SLC22A9: variants seen among roughly 807,000 people sequenced by gnomAD.
SLC22A9 encodes organic anion transporter 7.
Under a neutral mutation model 50.1 loss-of-function variants are expected in SLC22A9, and 64 were observed. The observed-to-expected ratio is 1.28, with a 90% CI of 1.04 to 1.57. The LOEUF (loss-of-function observed/expected upper bound fraction) is 1.57. Among genes scored for constraint, SLC22A9 ranks in the 40% most tolerant of loss-of-function variants. SLC22A9 has a pLI of 0.00. For missense variants in SLC22A9, 757 were observed against 676.1 expected (o/e 1.12, Z -1.33); for synonymous variants, 261 against 242.5 (o/e 1.08, Z -0.71).
chr11:63,393,773 T>C (rs1249821480), intron 6 of SLC22A9, among the ~76,000 whole-genome samples: 1 of 152,140 alleles, frequency 6.6e-6, no homozygotes, highest in East Asian at 1.9e-4. Context: ...TGATTATGTG[T>C]CTTGGGGTTA....
intron 6 of SLC22A9, among the ~76,000 whole-genome samples, chr11:63,384,015 C>A (rs1427322692): frequency 6.6e-6 from 1 of 150,686 alleles, no homozygotes; most frequent in African/African-American, 2.5e-5. Flanking sequence ...TGCCACTGCA[C>A]TCCAGCCTGG....
chr11:63,386,801 G>A (rs1354262646), intron 6 of SLC22A9, among the ~76,000 whole-genome samples: 1 of 151,344 alleles, frequency 6.6e-6, no homozygotes. Context: ...TTTTTTGAAG[G>A]GTTTTGTGTT....
rs117256325 is a variant in SLC22A9, at chr11:63,370,808, T to C, written c.403-327T>C. ...GAGAAAAGCCTCCATGCCCAGAGTA[T>C]ACCCTAAAACAATCATATGAGAAGG... On this transcript the variant is annotated intron_variant, in intron 1 of 9. Transcript: ENST00000279178. Among the ~76,000 whole-genome samples the C allele has an allele frequency of 9.3e-3, 1,410 of 152,312 alleles. 14 individuals carry two copies. The highest frequency in any genetic ancestry group is 0.014 in the Non-Finnish European group (964 of 68,024).
At chr11:63,403,701 A>G (rs991598857) in intron 6 of SLC22A9, among the ~76,000 whole-genome samples, 2 of 152,114 alleles carry the variant, frequency 1.3e-5, no homozygotes, top group African/African-American at 4.8e-5. Context: ...GGGAAGAAAA[A>G]GAGATAAAAA....
intron 6 of SLC22A9, among the ~76,000 whole-genome samples, chr11:63,399,124 A>G (rs2014910848): frequency 6.6e-6 from 1 of 152,204 alleles, no homozygotes; most frequent in Non-Finnish European, 1.5e-5. Flanking sequence ...TACACAAAAA[A>G]GAAAGGAAGA....
chr11:63,398,580 T>C (rs553673674), intron 6 of SLC22A9, among the ~76,000 whole-genome samples: 2 of 152,300 alleles, frequency 1.3e-5, no homozygotes, highest in South Asian at 2.1e-4. Context: ...TTCTGTCTGG[T>C]GCTGCTTTCC....
chr11:63,390,417 A>G (rs113967277), intron 6 of SLC22A9, among the ~76,000 whole-genome samples: 5,207 of 152,214 alleles, frequency 0.034, 130 homozygotes, highest in Non-Finnish European at 0.057. Flanking sequence ...TTCCAGCACC[A>G]TTTATTAGAT....
At chr11:63,409,309 C>G (rs2015095346) in intron 9 of SLC22A9, among the ~76,000 whole-genome samples, 1 of 152,098 alleles carries the variant, frequency 6.6e-6, no homozygotes. Context: ...TACTAGGCCA[C>G]TGAAGAATTT....
chr11:63,409,892 G>T lies in SLC22A9; in HGVS notation c.*30G>T. 1 of 1,610,876 alleles carries T rather than the reference G, an allele frequency of 6.2e-7. No individual in the cohort carries two copies. Among genetic ancestry groups the T allele is most frequent in the South Asian group, 1.1e-5 (1 of 90,978 alleles). The stretch of plus-strand genomic sequence containing the variant: ...TTCCAGGAGCTGACTGCCGATCAAT[G>T]AGCCAGATGAAGGGAACAATCAGGA... On this transcript the variant is annotated 3_prime_UTR_variant, in exon 10 of 10. Transcript: ENST00000279178.
chr11:63,380,447 C>A (rs534753718), intron 5 of SLC22A9, among the ~76,000 whole-genome samples: 1 of 152,068 alleles, frequency 6.6e-6, no homozygotes, highest in Non-Finnish European at 1.5e-5. Context: ...AAATGCCCAT[C>A]AACAGTGGAC....
intron 6 of SLC22A9, among the ~76,000 whole-genome samples, chr11:63,388,615 G>T (rs996894514): frequency 1.9e-4 from 29 of 151,902 alleles, no homozygotes; most frequent in African/African-American, 7.0e-4. Context: ...GTTCAACAGG[G>T]ATATTAGCCT....
intron 2 of SLC22A9, among the ~76,000 whole-genome samples, chr11:63,372,532 T>C (rs1383877951): frequency 6.6e-6 from 1 of 152,110 alleles, no homozygotes; most frequent in East Asian, 1.9e-4. Context: ...GGAACTACAT[T>C]ATGATGTGAG....
intron 6 of SLC22A9, among the ~76,000 whole-genome samples, chr11:63,404,808 T>C (rs2015009150): frequency 1.3e-5 from 2 of 152,178 alleles, no homozygotes; most frequent in South Asian, 4.1e-4. Context: ...TGACCATTGC[T>C]CTGGCACTGG....
rs1307098473 is a variant in SLC22A9, at chr11:63,369,837, G to A, written c.-220G>A. ...AGTATCTGAGCAAATTATTTCTTACGTGACTTTAGAGAAAACGGCTACCTA... is the reference window on the plus strand; with the variant it reads ...AGTATCTGAGCAAATTATTTCTTACATGACTTTAGAGAAAACGGCTACCTA... On this transcript the variant is annotated 5_prime_UTR_variant, in exon 1 of 10. The change creates a new upstream start codon in the 5' untranslated region. Coordinates refer to ENST00000279178, the MANE Select transcript of SLC22A9 (RefSeq NM_080866.3). The A allele has an allele frequency of 8.3e-6, 4 of 484,482 alleles. No homozygotes were observed. Among genetic ancestry groups the A allele is most frequent in the Non-Finnish European group, 1.4e-5 (4 of 277,158 alleles). The allele number at this position is 484,482 out of a possible 1,614,324, so 30.0% of individuals were successfully genotyped here.
chr11:63,408,601 G>C lies in SLC22A9; in HGVS notation c.1398-75G>C, dbSNP rs77012771. The C allele has an allele frequency of 2.7e-3, 3,644 of 1,369,412 alleles. 65 individuals carry two copies. The African/African-American group carries it at 0.045, about 17-fold the overall frequency. The allele number at this position is 1,369,412 out of a possible 1,614,324, so 84.8% of individuals were successfully genotyped here. ...GTGTCTAAATGTTCCCCCATAATTA[G>C]AGCAAAATGATAAATCACAAATTGC... is the stretch of plus-strand genomic sequence containing the variant. On this transcript the variant is annotated intron_variant, in intron 8 of 9. Coordinates refer to ENST00000279178, the MANE Select transcript of SLC22A9 (RefSeq NM_080866.3).
intron 5 of SLC22A9, among the ~76,000 whole-genome samples, chr11:63,376,185 C>T (rs1404062059): frequency 2.0e-5 from 3 of 152,066 alleles, no homozygotes; most frequent in Non-Finnish European, 2.9e-5. Flanking sequence ...CTTATTTGTT[C>T]ATTCAATCAT....
chr11:63,405,265 G>C (rs1162948046), intron 6 of SLC22A9, among the ~76,000 whole-genome samples: 1 of 152,150 alleles, frequency 6.6e-6, no homozygotes, highest in Non-Finnish European at 1.5e-5. Flanking sequence ...AGGGAACCCA[G>C]TCAGCTAAAC....
chr11:63,405,706 C>T (rs2015025622), intron 6 of SLC22A9, among the ~76,000 whole-genome samples: 2 of 152,134 alleles, frequency 1.3e-5, no homozygotes, highest in Admixed American at 1.3e-4. Flanking sequence ...TCCTGAGGTA[C>T]TCACTGGGAG....
rs1412137189 is a variant in SLC22A9, at chr11:63,408,010, C to A, written c.1289-102C>A. 8.3e-6 allele frequency: 7 copies of A among 844,870 alleles called. No homozygotes were observed. The East Asian group carries it at 1.9e-4, about 22-fold the overall frequency. The allele number at this position is 844,870 out of a possible 1,614,324, so 52.3% of individuals were successfully genotyped here. On this transcript the variant is annotated intron_variant, in intron 7 of 9. Transcript: ENST00000279178. ...TGCAGTTTCCCTACAGTACATTTAACCCTTGCAAACACCTCCAATACAGTC... is the reference window on the plus strand; with the variant it reads ...TGCAGTTTCCCTACAGTACATTTAAACCTTGCAAACACCTCCAATACAGTC...
Sources: gnomAD v4.1 joint callset for allele counts (sites outside exome capture counted in the v4.1 genomes callset) on GRCh38, gnomAD v4.1.1 for gene constraint, MANE v1.5 for transcripts, NCBI Gene and HGNC (gene_info 2026-07-23, HGNC 2026-07-21) for gene names.